The following RBMS3 variants were observed in gnomAD, a reference collection of about 807,000 sequenced individuals.
The protein encoded by RBMS3 is RNA binding motif single stranded interacting protein 3, also known as RNA-binding motif, single-stranded-interacting protein 3.
RBMS3 carries 27 observed loss-of-function variants against 66.8 expected under a neutral mutation model. That is an observed-to-expected ratio of 0.40 (90% CI 0.30 to 0.56). The LOEUF is 0.56. Ranked by LOEUF, RBMS3 falls within the 20% of genes least tolerant of loss-of-function variation. RBMS3 has a pLI of 0.40. For synonymous variants in RBMS3, 188 were observed against 183.0 expected (o/e 1.03, Z -0.22); for missense variants, 513 against 549.5 (o/e 0.93, Z 0.66).
At chr3:29,329,293 A>G (rs935183416) in intron 1 of RBMS3, among the ~76,000 whole-genome samples, 4 of 152,112 alleles carry the variant, frequency 2.6e-5, no homozygotes, top group African/African-American at 9.7e-5. Flanking sequence ...TAAGTATATG[A>G]ACCTTAAAAT....
At chr3:29,960,341 C>T (rs560043201) in intron 12 of RBMS3, among the ~76,000 whole-genome samples, 1 of 152,338 alleles carries the variant, frequency 6.6e-6, no homozygotes, top group African/African-American at 2.4e-5. Context: ...GGTGGGCTCC[C>T]ATGGCCTTGG....
intron 4 of RBMS3, among the ~76,000 whole-genome samples, chr3:29,719,931 ATT>A (rs5847587): frequency 2.9e-4 from 42 of 146,420 alleles, no homozygotes; most frequent in Middle Eastern, 3.5e-3. Flanking sequence ...TTACAGATAC[ATT>A]TTTTTTTTTT....
intron 4 of RBMS3, among the ~76,000 whole-genome samples, chr3:29,685,204 G>A (rs1395645624): frequency 1.3e-5 from 2 of 151,860 alleles, no homozygotes; most frequent in Admixed American, 6.6e-5. Flanking sequence ...GACTACAGGC[G>A]CCCGCCACCA....
chr3:29,490,875 G>T (rs914230389), intron 3 of RBMS3, among the ~76,000 whole-genome samples: 1 of 152,064 alleles, frequency 6.6e-6, no homozygotes, highest in African/African-American at 2.4e-5. Context: ...AAAGTCTTGG[G>T]TCAGACAGTT....
chr3:29,447,684 T>G (rs1027703752), intron 2 of RBMS3, among the ~76,000 whole-genome samples: 1 of 152,220 alleles, frequency 6.6e-6, no homozygotes, highest in Admixed American at 6.5e-5. Flanking sequence ...TTACCCAATA[T>G]AAACTGAAGT....
chr3:29,590,364 A>G (rs1465994133), intron 4 of RBMS3, among the ~76,000 whole-genome samples: 1 of 152,126 alleles, frequency 6.6e-6, no homozygotes, highest in Non-Finnish European at 1.5e-5. Flanking sequence ...AGAATTTAGT[A>G]AATGTTAGTT....
intron 2 of RBMS3, among the ~76,000 whole-genome samples, chr3:29,442,039 A>T (rs571776351): frequency 9.2e-5 from 14 of 152,300 alleles, no homozygotes; most frequent in African/African-American, 3.4e-4. Context: ...TGCCTCTAGA[A>T]GTGTTTTCAA....
In RBMS3 at chr3:29,281,768, CCCACGGTCTGGCGAT is replaced by C; in HGVS notation, c.75+14_75+28del. The C allele has an allele frequency of 1.2e-6, 2 of 1,604,956 alleles. No homozygotes were observed. Among genetic ancestry groups the C allele is most frequent in the Non-Finnish European group, 1.7e-6 (2 of 1,172,474 alleles). On this transcript the variant is annotated intron_variant, in intron 1 of 14. Coordinates refer to ENST00000383767, the MANE Select transcript of RBMS3 (RefSeq NM_001003793.3). The stretch of plus-strand genomic sequence containing the variant: ...ATCTCCAAACCAAGGTATGGCTTGA[CCCACGGTCTGGCGAT>C]CAGCGTGGTATCGTTCTGCACTTGG...
rs576004043 is a variant in RBMS3, at chr3:29,674,021, C to T, written c.400-65699C>T. On this transcript the variant is annotated intron_variant, in intron 4 of 14. Transcript: ENST00000383767. Reference sequence around the variant, plus strand: ...AATCCTCAATAAAATACTGGCAAACCGAATCCAGCAGCACATCAGAAAGCT... The same window carrying T: ...AATCCTCAATAAAATACTGGCAAACTGAATCCAGCAGCACATCAGAAAGCT... Among the ~76,000 whole-genome samples the T allele has an allele frequency of 1.9e-4, 29 of 152,206 alleles. No individual in the cohort carries two copies. In the East Asian group the frequency reaches 2.1e-3, roughly 11 times the overall value.
At chr3:29,319,318 T>C (rs1401431861) in intron 1 of RBMS3, among the ~76,000 whole-genome samples, 1 of 152,002 alleles carries the variant, frequency 6.6e-6, no homozygotes, top group Non-Finnish European at 1.5e-5. Context: ...AAGGCAGGAC[T>C]CATTTCTCTA....
At chr3:29,966,427 C>A (rs1696853491) in intron 12 of RBMS3, among the ~76,000 whole-genome samples, 1 of 152,034 alleles carries the variant, frequency 6.6e-6, no homozygotes, top group African/African-American at 2.4e-5. Flanking sequence ...TCTTTCAACT[C>A]CTTTGTTAGG....
intron 3 of RBMS3, among the ~76,000 whole-genome samples, chr3:29,528,687 T>TG (rs1462942173): frequency 2.0e-5 from 3 of 152,202 alleles, no homozygotes; most frequent in Non-Finnish European, 2.9e-5. Flanking sequence ...TGACTTTTGA[T>TG]GGAGTACCAT....
At chr3:29,853,392 T>G (rs2058985591) in intron 6 of RBMS3, among the ~76,000 whole-genome samples, 1 of 151,626 alleles carries the variant, frequency 6.6e-6, no homozygotes, top group Non-Finnish European at 1.5e-5. Flanking sequence ...AAATTAAAAT[T>G]CATATTGTAT....
intron 2 of RBMS3, among the ~76,000 whole-genome samples, chr3:29,475,280 G>A (rs577933644): frequency 3.5e-5 from 5 of 144,650 alleles, no homozygotes; most frequent in South Asian, 2.2e-4. Flanking sequence ...ACAGAGTCTT[G>A]CTCTGTCACC....
chr3:29,576,594 G>A (rs1175070866), intron 3 of RBMS3, among the ~76,000 whole-genome samples: 2 of 152,180 alleles, frequency 1.3e-5, no homozygotes, highest in Admixed American at 6.5e-5. Context: ...GGCCCCAGGT[G>A]GGTCCAGAGA....
intron 6 of RBMS3, among the ~76,000 whole-genome samples, chr3:29,845,399 C>T (rs547158653): frequency 2.6e-5 from 4 of 152,188 alleles, no homozygotes; most frequent in African/African-American, 9.6e-5. Context: ...TTAGTAAGCC[C>T]TCTAAAAATA....
intron 4 of RBMS3, among the ~76,000 whole-genome samples, chr3:29,619,805 T>C (rs2048805431): frequency 6.6e-6 from 1 of 152,196 alleles, no homozygotes. Flanking sequence ...AAACCACTAT[T>C]GGATAGGATC....
chr3:29,947,810 A>G (rs900111424), intron 12 of RBMS3, among the ~76,000 whole-genome samples: 5 of 151,152 alleles, frequency 3.3e-5, no homozygotes, highest in African/African-American at 1.2e-4. Flanking sequence ...TTTGTAGTCA[A>G]ATTTTTATTT....
At chr3:29,632,596 C>T (rs13317562) in intron 4 of RBMS3, among the ~76,000 whole-genome samples, 11,827 of 151,762 alleles carry the variant, frequency 0.078, 814 homozygotes, top group East Asian at 0.35. Flanking sequence ...ATGATAATTA[C>T]AAAGAGGATT....
Sources: gnomAD v4.1 joint callset for allele counts (sites outside exome capture counted in the v4.1 genomes callset) on GRCh38, gnomAD v4.1.1 for gene constraint, MANE v1.5 for transcripts, NCBI Gene and HGNC (gene_info 2026-07-23, HGNC 2026-07-21) for gene names.